Variants in AREL1 observed in about 807,000 individuals in gnomAD.
The protein encoded by AREL1 is apoptosis resistant E3 ubiquitin protein ligase 1.
Under a neutral mutation model 99.0 loss-of-function variants are expected in AREL1, and 62 were observed. That is an observed-to-expected ratio of 0.63 (90% CI 0.51 to 0.77). AREL1 has a LOEUF of 0.77. Among genes scored for constraint, AREL1 ranks in the 30% least tolerant of loss-of-function variants. The pLI, the probability that AREL1 is intolerant of heterozygous loss-of-function variation, is 0.00. For missense variants in AREL1, 879 were observed against 1,027.6 expected (o/e 0.86, Z 1.98); for synonymous variants, 380 against 376.5 (o/e 1.01, Z -0.11).
intron 5 of AREL1, among the ~76,000 whole-genome samples, chr14:74,676,984 G>A (rs558699803): frequency 1.3e-4 from 20 of 151,552 alleles, no homozygotes; most frequent in East Asian, 1.2e-3. Context: ...TATTTTTAGT[G>A]GAGACGGGGT....
At chr14:74,680,282 T>C (rs898924139) in intron 5 of AREL1, among the ~76,000 whole-genome samples, 4 of 151,902 alleles carry the variant, frequency 2.6e-5, no homozygotes, top group African/African-American at 4.8e-5. Context: ...GATACATAGA[T>C]GACAGACAGG....
At chr14:74,673,891 T>C (rs142437297) in intron 9 of AREL1, 143 bp downstream of exon 9, 1 of 609,652 alleles carries the variant, frequency 1.6e-6, no homozygotes, top group East Asian at 2.9e-5. Context: ...GAGGAGATAA[T>C]GATGCTTTAT....
chr14:74,676,403 C>G, intron 6 of AREL1, 82 bp from the exon 7 acceptor site: 1 of 1,506,628 alleles, frequency 6.6e-7, no homozygotes, highest in East Asian at 2.3e-5. Flanking sequence ...AAGAGCTTTC[C>G]TATCTATGAT....
rs927011710 is a variant in AREL1 at position 74,712,920 on chromosome 14, A to C, written c.-334+13T>G. On this transcript the variant is annotated intron_variant, in intron 1 of 19. Coordinates refer to ENST00000356357, the MANE Select transcript of AREL1 (RefSeq NM_001039479.2). ...TCTTCTGGGCTCTGCCTAAGGCTGGAGAGAAACGTTACCCGAGCCGGGGGT... is the reference window on the plus strand; with the variant it reads ...TCTTCTGGGCTCTGCCTAAGGCTGGCGAGAAACGTTACCCGAGCCGGGGGT... 36 of 662,340 alleles carry C rather than the reference A, an allele frequency of 5.4e-5. No homozygotes were observed. The highest frequency in any genetic ancestry group is 8.6e-5 in the Non-Finnish European group (31 of 360,594). The allele number at this position is 662,340 out of a possible 1,614,324, so 41.0% of individuals were successfully genotyped here.
At position 74,692,291 on chromosome 14, in the gene AREL1, G is replaced by GC. The variant is rs762845721; in HGVS notation, c.-297dup. On this transcript the variant is annotated 5_prime_UTR_variant, in exon 2 of 20. Transcript: ENST00000356357. Reference sequence around the variant, plus strand: ...TATCATTCCTGGACTTCTCTCTAGTGCAGGGTGCAATCGACTGCCAAAGGA... The same window carrying GC: ...TATCATTCCTGGACTTCTCTCTAGTGCCAGGGTGCAATCGACTGCCAAAGGA... The GC allele has an allele frequency of 3.3e-5, 15 of 455,996 alleles. No individual in the cohort carries two copies. Among genetic ancestry groups the GC allele is most frequent in the Non-Finnish European group, 6.2e-5 (14 of 226,842 alleles). The allele number at this position is 455,996 out of a possible 1,614,324, so 28.2% of individuals were successfully genotyped here. A position where few individuals can be genotyped will look rare whatever the true frequency, so the allele number is the denominator to read the frequency against.
chr14:74,696,278 T>C (rs1217278494), intron 1 of AREL1, among the ~76,000 whole-genome samples: 2 of 152,232 alleles, frequency 1.3e-5, no homozygotes, highest in Non-Finnish European at 2.9e-5. Flanking sequence ...AGTTCTACCA[T>C]CTCTTCTTAG....
At chr14:74,678,721 C>T (rs1303355518) in intron 5 of AREL1, among the ~76,000 whole-genome samples, 1 of 146,406 alleles carries the variant, frequency 6.8e-6, no homozygotes, top group Admixed American at 6.8e-5. Context: ...AAAAAGAGGA[C>T]CTTGACCCAA....
At chr14:74,693,023 A>G (rs1212363098) in intron 1 of AREL1, among the ~76,000 whole-genome samples, 1 of 152,140 alleles carries the variant, frequency 6.6e-6, no homozygotes, top group Non-Finnish European at 1.5e-5. Context: ...AAACTAGGCC[A>G]CAGACTTAAA....
intron 18 of AREL1, 141 bp downstream of exon 18, chr14:74,664,695 G>C (rs986097659): frequency 2.2e-6 from 1 of 457,560 alleles, no homozygotes; most frequent in Non-Finnish European, 3.8e-6. Context: ...TCCTGACTTT[G>C]TGATCCGCCT....
At chr14:74,683,679 C>G in intron 4 of AREL1, 146 bp from the exon 5 acceptor site, 3 of 674,666 alleles carry the variant, frequency 4.4e-6, no homozygotes, top group South Asian at 3.8e-5. Context: ...GTCCTGCTCA[C>G]AAAAACACAG....
chr14:74,703,297 C>T (rs369496666), intron 1 of AREL1, among the ~76,000 whole-genome samples: 8 of 152,196 alleles, frequency 5.3e-5, no homozygotes, highest in South Asian at 4.1e-4. Context: ...GAGAGCCAAG[C>T]GAAAGGGGAA....
intron 2 of AREL1, 95 bp downstream of exon 2, chr14:74,691,946 A>C (rs2089890565): frequency 3.1e-5 from 8 of 254,974 alleles, no homozygotes; most frequent in South Asian, 3.0e-4. Flanking sequence ...TGTATACTTT[A>C]ACAGCTATCC....
chr14:74,668,981 G>A (rs527331305), intron 15 of AREL1, among the ~76,000 whole-genome samples: 1 of 152,260 alleles, frequency 6.6e-6, no homozygotes, highest in South Asian at 2.1e-4. Context: ...GGGCTCAAGC[G>A]ATGTTCCAGC....
At chr14:74,671,086 T>C (rs1007013393) in intron 12 of AREL1, among the ~76,000 whole-genome samples, 2 of 152,122 alleles carry the variant, frequency 1.3e-5, no homozygotes, top group Non-Finnish European at 2.9e-5. Flanking sequence ...CCCCCTAGTA[T>C]GGAAACACCA....
Position 74,690,264 on chromosome 14 carries a change from C to CAAAAA in AREL1, c.-46+1772_-46+1776dup, listed in dbSNP as rs5809676. 7.1e-3 allele frequency among the ~76,000 whole-genome samples: 522 copies of CAAAAA among 73,094 alleles called. 3 individuals are homozygous for CAAAAA. Among genetic ancestry groups the CAAAAA allele is most frequent in the African/African-American group, 0.029 (482 of 16,790 alleles). 48.0% of individuals were successfully genotyped at this position (73,094 alleles called of 152,430 possible). A position where few individuals can be genotyped will look rare whatever the true frequency, so the allele number is the denominator to read the frequency against. Reference sequence around the variant, plus strand: ...GCACAACAGAGCAAGACCCTGTCTCCAAAAAAAAAAAAAAAAAAAAAGCTC... The same window carrying CAAAAA: ...GCACAACAGAGCAAGACCCTGTCTCCAAAAAAAAAAAAAAAAAAAAAAAAAAGCTC... On this transcript the variant is annotated intron_variant, in intron 2 of 19. Coordinates refer to ENST00000356357, the MANE Select transcript of AREL1 (RefSeq NM_001039479.2).
chr14:74,663,669 C>T lies in AREL1; in HGVS notation c.*51G>A, dbSNP rs747808877. 26 of 1,546,408 alleles carry T rather than the reference C, an allele frequency of 1.7e-5. No homozygotes were observed. The highest frequency in any genetic ancestry group is 8.2e-5 in the African/African-American group (6 of 73,478). The stretch of plus-strand genomic sequence containing the variant: ...CAGTGGTTATGATGTCTGTAACTTG[C>T]GCCCAGAAGCTCCAGAGAGCATGGG... On this transcript the variant is annotated 3_prime_UTR_variant, in exon 20 of 20. Transcript: ENST00000356357.
intron 1 of AREL1, among the ~76,000 whole-genome samples, chr14:74,705,832 G>A (rs958263148): frequency 2.0e-5 from 3 of 152,152 alleles, no homozygotes; most frequent in Non-Finnish European, 4.4e-5. Flanking sequence ...ATACACAAAG[G>A]CATAGCTTAG....
chr14:74,686,605 G>C (rs899414578), intron 2 of AREL1, among the ~76,000 whole-genome samples: 1 of 152,128 alleles, frequency 6.6e-6, no homozygotes, highest in Non-Finnish European at 1.5e-5. Context: ...AGAATATTAC[G>C]TAGAGACAAG....
chr14:74,688,717 G>A (rs1284781431), intron 2 of AREL1, among the ~76,000 whole-genome samples: 1 of 152,092 alleles, frequency 6.6e-6, no homozygotes, highest in Non-Finnish European at 1.5e-5. Flanking sequence ...CACCCCCATA[G>A]TATTTACTGA....
Sources: gnomAD v4.1 joint callset for allele counts (sites outside exome capture counted in the v4.1 genomes callset) on GRCh38, gnomAD v4.1.1 for gene constraint, MANE v1.5 for transcripts, NCBI Gene and HGNC (gene_info 2026-07-23, HGNC 2026-07-21) for gene names.